SAMD3: variants seen among roughly 807,000 people sequenced by gnomAD.
SAMD3 encodes sterile alpha motif domain containing 3.
Under a neutral mutation model 58.5 loss-of-function variants are expected in SAMD3, and 63 were observed. That is an observed-to-expected ratio of 1.08 (90% CI 0.88 to 1.33). SAMD3 has a LOEUF of 1.33. SAMD3 is among the 40% of genes most tolerant of loss of function. The probability of loss-of-function intolerance (pLI) is 0.00; values close to 1 mark genes in which losing one functional copy is unlikely to be tolerated. For synonymous variants in SAMD3, 220 were observed against 210.3 expected, an observed-to-expected ratio of 1.05 and a Z score of -0.40; for missense variants, 604 against 608.4, an observed-to-expected ratio of 0.99 and a Z score of 0.08.
At chr6:130,363,427 G>A (rs1238674837) in intron 1 of SAMD3, among the ~76,000 whole-genome samples, 1 of 152,128 alleles carries the variant, frequency 6.6e-6, no homozygotes, top group Non-Finnish European at 1.5e-5. Context: ...TATACCAAGA[G>A]TGAAAATGTT....
chr6:130,318,896 G>A (rs1187601587), intron 1 of SAMD3, among the ~76,000 whole-genome samples: 2 of 152,166 alleles, frequency 1.3e-5, no homozygotes, highest in Non-Finnish European at 2.9e-5. Context: ...ACAGAACATA[G>A]ATATTCCATA....
At chr6:130,166,942 G>A (rs1016821022) in intron 8 of SAMD3, among the ~76,000 whole-genome samples, 17 of 152,306 alleles carry the variant, frequency 1.1e-4, no homozygotes, top group African/African-American at 3.8e-4. Context: ...TCTTTCTGAA[G>A]AGCAACTGGT....
At chr6:130,215,718 G>A in intron 2 of SAMD3, 5 of 1,472,456 alleles carry the variant, frequency 3.4e-6, no homozygotes, top group African/African-American at 1.4e-5. Context: ...GTGGGCAGGA[G>A]AGGAAGGGAG....
At chr6:130,314,016 G>A (rs188626450) in intron 1 of SAMD3, among the ~76,000 whole-genome samples, 62 of 152,102 alleles carry the variant, frequency 4.1e-4, no homozygotes, top group African/African-American at 1.4e-3. Flanking sequence ...TCATTTTGGC[G>A]TGTTACAGAG....
chr6:130,196,460 C>A (rs933519837), intron 5 of SAMD3, among the ~76,000 whole-genome samples: 2 of 152,112 alleles, frequency 1.3e-5, no homozygotes, highest in African/African-American at 4.8e-5. Context: ...ACCCCATTTC[C>A]CCACATTTCC....
chr6:130,147,115 C>T (rs1284254600), intron 9 of SAMD3, among the ~76,000 whole-genome samples: 1 of 152,134 alleles, frequency 6.6e-6, no homozygotes, highest in Non-Finnish European at 1.5e-5. Context: ...CAGAGGATTC[C>T]ACCACCACTC....
intron 1 of SAMD3, among the ~76,000 whole-genome samples, chr6:130,338,818 T>C (rs1054848882): frequency 6.6e-6 from 1 of 152,200 alleles, no homozygotes; most frequent in African/African-American, 2.4e-5. Context: ...TGGAAGTAAC[T>C]AACTTGCTTT....
intron 2 of SAMD3, among the ~76,000 whole-genome samples, chr6:130,293,465 G>A (rs886839418): frequency 6.6e-6 from 1 of 151,876 alleles, no homozygotes; most frequent in Non-Finnish European, 1.5e-5. Flanking sequence ...GACAAAGATC[G>A]AAATAATGTT....
intron 4 of SAMD3, among the ~76,000 whole-genome samples, chr6:130,212,905 T>C (rs1795688852): frequency 6.6e-6 from 1 of 152,200 alleles, no homozygotes. Context: ...AAGCTTGCAA[T>C]GGGAACTTCA....
At chr6:130,150,393 A>G (rs1331078230) in intron 9 of SAMD3, among the ~76,000 whole-genome samples, 2 of 152,166 alleles carry the variant, frequency 1.3e-5, no homozygotes, top group African/African-American at 4.8e-5. Flanking sequence ...GGGTCCAGGA[A>G]CCAAGAGTTG....
At position 130,349,298 on chromosome 6, in the gene SAMD3, T is replaced by G. The variant is rs964081609; in HGVS notation, c.-304+15822A>C. On this transcript the variant is annotated intron_variant, in intron 1 of 13. Transcript: ENST00000368134. Reference sequence around the variant, plus strand: ...AATCAATGAATCCAGGAGATGGTTTTTTGAAAAGATCAACAAAATTGATAG... The same window carrying G: ...AATCAATGAATCCAGGAGATGGTTTGTTGAAAAGATCAACAAAATTGATAG... Among the ~76,000 whole-genome samples the G allele has an allele frequency of 9.7e-4, 147 of 152,260 alleles. 1 individual carries two copies. Among genetic ancestry groups the G allele is most frequent in the African/African-American group, 3.2e-3 (135 of 41,542 alleles).
chr6:130,280,605 T>G (rs1431858004), intron 2 of SAMD3, among the ~76,000 whole-genome samples: 1 of 152,202 alleles, frequency 6.6e-6, no homozygotes, highest in East Asian at 1.9e-4. Context: ...TGCACTCAAA[T>G]TTACTGTGTC....
At chr6:130,340,398 C>T (rs1408760034) in intron 1 of SAMD3, among the ~76,000 whole-genome samples, 1 of 152,158 alleles carries the variant, frequency 6.6e-6, no homozygotes, top group Non-Finnish European at 1.5e-5. Flanking sequence ...CTCTTGCCTC[C>T]CCAGCTCTTT....
At chr6:130,249,736 T>C (rs1773677953) in intron 2 of SAMD3, among the ~76,000 whole-genome samples, 1 of 151,998 alleles carries the variant, frequency 6.6e-6, no homozygotes, top group South Asian at 2.1e-4. Context: ...GAATGGTAGG[T>C]TTGAAGGCAC....
At chr6:130,146,640 G>T (rs1364558537) in intron 9 of SAMD3, among the ~76,000 whole-genome samples, 1 of 152,150 alleles carries the variant, frequency 6.6e-6, no homozygotes, top group Non-Finnish European at 1.5e-5. Context: ...AGGTAAAGGA[G>T]AGTGCTTTAG....
intron 2 of SAMD3, among the ~76,000 whole-genome samples, chr6:130,307,081 A>T (rs1293754872): frequency 6.6e-6 from 1 of 152,216 alleles, no homozygotes; most frequent in East Asian, 1.9e-4. Flanking sequence ...TTCTGGACAC[A>T]CTTTCATGTA....
chr6:130,257,033 C>A (rs1773949355), intron 2 of SAMD3, among the ~76,000 whole-genome samples: 1 of 152,136 alleles, frequency 6.6e-6, no homozygotes, highest in Non-Finnish European at 1.5e-5. Flanking sequence ...AGGCCTTAAC[C>A]CCCAATATGA....
intron 8 of SAMD3, among the ~76,000 whole-genome samples, chr6:130,157,966 CA>C (rs202028271): frequency 0.036 from 5,358 of 149,204 alleles, 328 homozygotes; most frequent in African/African-American, 0.12. Flanking sequence ...AATTAAATTG[CA>C]AAAAAAACCT....
At chr6:130,317,188 G>A (rs1350451378) in intron 1 of SAMD3, among the ~76,000 whole-genome samples, 4 of 152,276 alleles carry the variant, frequency 2.6e-5, no homozygotes, top group East Asian at 3.9e-4. Flanking sequence ...TAGGTGATAA[G>A]GGAGTGGGAG....
Sources: gnomAD v4.1 joint callset for allele counts (sites outside exome capture counted in the v4.1 genomes callset) on GRCh38, gnomAD v4.1.1 for gene constraint, MANE v1.5 for transcripts, NCBI Gene and HGNC (gene_info 2026-07-23, HGNC 2026-07-21) for gene names.